The following RASGRF1 variants were observed in gnomAD, a reference collection of about 807,000 sequenced individuals.
RASGRF1 encodes ras-specific guanine nucleotide-releasing factor 1.
RASGRF1 carries 40 observed loss-of-function variants against 138.7 expected under a neutral mutation model. The ratio of observed to expected loss-of-function variants is 0.29; its 90% confidence interval spans 0.22 to 0.38. The LOEUF is 0.38. Ranked by LOEUF, RASGRF1 falls within the 10% of genes least tolerant of loss-of-function variation. The probability of loss-of-function intolerance (pLI) is 1.00; values close to 1 mark genes in which losing one functional copy is unlikely to be tolerated. For missense variants in RASGRF1, 1,108 were observed against 1,650.4 expected (o/e 0.67, Z 5.69); for synonymous variants, 614 against 663.2 (o/e 0.93, Z 1.14).
In RASGRF1 at chr15:79,027,765, T is replaced by C. The variant is rs1003354173; in HGVS notation, c.1357A>G (p.Thr453Ala). 1.2e-6 allele frequency: 2 copies of C among 1,614,230 alleles called. No homozygotes were observed. Among genetic ancestry groups the C allele is most frequent in the Non-Finnish European group, 1.7e-6 (2 of 1,180,032 alleles). The change falls in exon 9 of 27, where the codon ACC becomes GCC. Residue 453 changes from threonine (T) to alanine (A), a missense_variant. Thr to Ala is a moderately conservative substitution (Grantham distance 58, BLOSUM62 0). Coordinates refer to ENST00000558480, the MANE Select transcript of RASGRF1 (RefSeq NM_001145648.3). The surrounding 1 kb of genome is among the most constrained non-coding windows in gnomAD (Gnocchi z 4.8). ...IIEGCEILLDTSQTFVRQGSL... is the reference protein window; with the variant it reads ...IIEGCEILLDASQTFVRQGSL... ...CCTTGTCTCACAAAGGTCTGGCTGGTGTCCAGGAGGATCTCACAGCCTTCG... is the reference window on the plus strand; with the variant it reads ...CCTTGTCTCACAAAGGTCTGGCTGGCGTCCAGGAGGATCTCACAGCCTTCG...
At position 79,032,216 on chromosome 15, in the gene RASGRF1, G is replaced by A. The variant is rs752146233; in HGVS notation, c.1059C>T (p.Asn353=). The A allele has an allele frequency of 1.1e-5, 17 of 1,613,960 alleles. 1 individual carries two copies. The South Asian group carries it at 1.6e-4, about 16-fold the overall frequency. Residue 353 remains asparagine, a synonymous_variant, in exon 7 of 27, where the codon AAC becomes AAT. Coordinates refer to ENST00000558480, the MANE Select transcript of RASGRF1 (RefSeq NM_001145648.3). This position sits in a 1 kb window ranked among gnomAD's most constrained non-coding sequence, Gnocchi z 4.5. ...GCTTCAGCAGCTTGTCGAAGTCACG[G>A]TTCTGCTTGCAGTGGGCCAGGATCT... ...SLQILAHCKQ[N]RDFDKLLKHY...
At chr15:78,974,927 G>A (rs1242933108) in intron 24 of RASGRF1, among the ~76,000 whole-genome samples, 1 of 152,220 alleles carries the variant, frequency 6.6e-6, no homozygotes, top group African/African-American at 2.4e-5. Context: ...AATTTAAAGA[G>A]GCTGTTAGGT....
chr15:78,981,427 T>C (rs114048709), intron 23 of RASGRF1: 7 of 152,090 alleles, frequency 4.6e-5, no homozygotes, highest in Non-Finnish European at 7.4e-5. Context: ...AATGGTGAGA[T>C]AGGTTAGAGA....
intron 11 of RASGRF1, among the ~76,000 whole-genome samples, chr15:79,018,587 G>T (rs896332693): frequency 6.6e-6 from 1 of 152,240 alleles, no homozygotes; most frequent in Non-Finnish European, 1.5e-5. Context: ...CTCTATGGCT[G>T]TGTGATGTTG....
At chr15:78,991,528 C>T (rs1020992715) in intron 21 of RASGRF1, among the ~76,000 whole-genome samples, 163 bp downstream of exon 21, 2 of 152,102 alleles carry the variant, frequency 1.3e-5, no homozygotes, top group Non-Finnish European at 2.9e-5. Flanking sequence ...TGGGCAGGAA[C>T]GGGAACAGGC....
intron 26 of RASGRF1, among the ~76,000 whole-genome samples, chr15:78,970,825 C>CT (rs35845555): frequency 6.0e-4 from 79 of 131,806 alleles, no homozygotes; most frequent in African/African-American, 1.2e-3. Context: ...CTAGCTGAGA[C>CT]TTTTTTTTTT....
At chr15:79,039,477 T>C (rs2057267506) in intron 5 of RASGRF1, among the ~76,000 whole-genome samples, 1 of 152,146 alleles carries the variant, frequency 6.6e-6, no homozygotes. Flanking sequence ...TTCATTGTTG[T>C]TTTTTAAGAA....
rs1166378467 is a variant in RASGRF1, at chr15:78,998,935, G to C, written c.2747-110C>G. 5.1e-6 allele frequency: 4 copies of C among 785,490 alleles called. No individual in the cohort carries two copies. In the East Asian group the frequency reaches 7.7e-5, roughly 15 times the overall value. 48.7% of individuals were successfully genotyped at this position (785,490 alleles called of 1,614,324 possible). A position where few individuals can be genotyped will look rare whatever the true frequency, so the allele number is the denominator to read the frequency against. ...TCTGGCTGAGCTGGGGTGAGTGAGGGGGTCATGGGCAGGGGGATAACAACA... is the reference window on the plus strand; with the variant it reads ...TCTGGCTGAGCTGGGGTGAGTGAGGCGGTCATGGGCAGGGGGATAACAACA... On this transcript the variant is annotated intron_variant, in intron 17 of 26. Coordinates refer to ENST00000558480, the MANE Select transcript of RASGRF1 (RefSeq NM_001145648.3).
At chr15:79,088,968 G>A (rs577878509) in intron 1 of RASGRF1, among the ~76,000 whole-genome samples, 2 of 152,374 alleles carry the variant, frequency 1.3e-5, no homozygotes, top group South Asian at 2.1e-4. Flanking sequence ...TTGGCTGAAG[G>A]TAGGGAAGGA....
chr15:79,057,255 G>T lies in RASGRF1; in HGVS notation c.531+1079C>A. 5.3e-5 allele frequency among the ~76,000 whole-genome samples: 8 copies of T among 152,244 alleles called. 1 individual carries two copies. In the South Asian group the frequency reaches 1.7e-3, roughly 32 times the overall value. Reference sequence around the variant, plus strand: ...GGCTGGCAGTGCCAGGGTGCATTACGTGGGTGACTCAGAAGGAGCTCCTTG... The same window carrying T: ...GGCTGGCAGTGCCAGGGTGCATTACTTGGGTGACTCAGAAGGAGCTCCTTG... On this transcript the variant is annotated intron_variant, in intron 3 of 26. Transcript: ENST00000558480.
At chr15:79,018,351 G>C (rs976229855) in intron 11 of RASGRF1, among the ~76,000 whole-genome samples, 1 of 152,240 alleles carries the variant, frequency 6.6e-6, no homozygotes, top group African/African-American at 2.4e-5. Flanking sequence ...TTATGGATTG[G>C]GCTGGACATT....
At chr15:79,001,044 G>A (rs1418447891) in intron 16 of RASGRF1, among the ~76,000 whole-genome samples, 4 of 152,194 alleles carry the variant, frequency 2.6e-5, no homozygotes. Flanking sequence ...TTGTATAGGG[G>A]AAAGGGCTTT....
chr15:79,089,513 G>C (rs1426707981), intron 1 of RASGRF1, among the ~76,000 whole-genome samples: 1 of 152,252 alleles, frequency 6.6e-6, no homozygotes, highest in Non-Finnish European at 1.5e-5. Context: ...AGGGGGCGGG[G>C]GAGGAGAGAA....
Position 79,090,637 on chromosome 15 carries a change from A to C in RASGRF1, c.-139T>G. 3.4e-6 allele frequency: 4 copies of C among 1,190,172 alleles called. No homozygotes were observed. The highest frequency in any genetic ancestry group is 4.7e-6 in the Non-Finnish European group (4 of 851,810). 73.7% of individuals were successfully genotyped at this position (1,190,172 alleles called of 1,614,324 possible). A position where few individuals can be genotyped will look rare whatever the true frequency, so the allele number is the denominator to read the frequency against. On this transcript the variant is annotated 5_prime_UTR_variant, in exon 1 of 27. An upstream open reading frame in the 5' UTR loses its in-frame stop. Coordinates refer to ENST00000558480, the MANE Select transcript of RASGRF1 (RefSeq NM_001145648.3). ...AGCTCTCCCCTCCCCCCAAATATCT[A>C]CACTCCAGGATCTGGCGCCGAGCCG...
At position 78,995,809 on chromosome 15, in the gene RASGRF1, G is replaced by A; in HGVS notation, c.2967-9C>T. On this transcript the variant is annotated splice_polypyrimidine_tract_variant and intron_variant, in intron 19 of 26. Coordinates refer to ENST00000558480, the MANE Select transcript of RASGRF1 (RefSeq NM_001145648.3). ...CCTCCTGGGTCAGAGTCCTAGGCAG[G>A]AGCGAGAAGGCACGGTGAGCCCCAC... is the stretch of plus-strand genomic sequence containing the variant. The A allele has an allele frequency of 6.2e-7, 1 of 1,614,082 alleles. No individual in the cohort carries two copies. The highest frequency in any genetic ancestry group is 8.5e-7 in the Non-Finnish European group (1 of 1,180,010).
intron 13 of RASGRF1, chr15:79,012,534 A>G: frequency 6.2e-7 from 1 of 1,614,052 alleles, no homozygotes; most frequent in Non-Finnish European, 8.5e-7. Context: ...CCTCCTGTGA[A>G]GAAAACCAGG....
Position 79,049,540 on chromosome 15 carries a change from C to T in RASGRF1, c.580G>A (p.Val194Ile), listed in dbSNP as rs1271400729. The part of the protein sequence containing the change: ...DNERIQSTQT[V>I]APNDEDSDIK... ...TCGCTGTCTTCATCGTTGGGGGCGA[C>T]AGTCTGGGTGGACTGGATGCGCTCA... is the stretch of plus-strand genomic sequence containing the variant. The change falls in exon 4 of 27, where the codon GTC (valine) becomes ATC (isoleucine). Residue 194 changes from valine to isoleucine, a missense_variant. Coordinates refer to ENST00000558480, the MANE Select transcript of RASGRF1 (RefSeq NM_001145648.3). 6.2e-7 allele frequency: 1 copy of T among 1,614,092 alleles called. No homozygotes were observed. The highest frequency in any genetic ancestry group is 1.7e-4 in the Middle Eastern group (1 of 6,046).
chr15:79,037,078 T>G (rs190752270), intron 5 of RASGRF1, among the ~76,000 whole-genome samples: 76 of 152,286 alleles, frequency 5.0e-4, no homozygotes, highest in Middle Eastern at 3.4e-3. Flanking sequence ...TAAGGCTGGT[T>G]TCTGTCTGGC....
Position 78,993,180 on chromosome 15 carries a change from G to GT in RASGRF1, c.3028-1387dup, listed in dbSNP as rs545969590. On this transcript the variant is annotated intron_variant, in intron 20 of 26. Coordinates refer to ENST00000558480, the MANE Select transcript of RASGRF1 (RefSeq NM_001145648.3). ...CCTGTGGGTGATGTGTGTATGTGGTGTGTGTGGTGTGGCGTGTGTATGTGG... is the reference window on the plus strand; with the variant it reads ...CCTGTGGGTGATGTGTGTATGTGGTGTTGTGTGGTGTGGCGTGTGTATGTGG... Among the ~76,000 whole-genome samples the GT allele has an allele frequency of 7.8e-4, 110 of 140,842 alleles. 1 individual carries two copies. In the East Asian group the frequency reaches 9.3e-3, roughly 12 times the overall value. 92.4% of individuals were successfully genotyped at this position (140,842 alleles called of 152,430 possible). A position where few individuals can be genotyped will look rare whatever the true frequency, so the allele number is the denominator to read the frequency against.
Sources: allele counts gnomAD v4.1 joint callset (sites outside exome capture counted in the v4.1 genomes callset), GRCh38; gene constraint gnomAD v4.1.1; non-coding constraint Gnocchi (gnomAD v3.1); transcripts MANE v1.5; gene names NCBI Gene and HGNC (gene_info 2026-07-23, HGNC 2026-07-21).